Variants in PCDHGA2 observed in about 807,000 individuals in gnomAD.
PCDHGA2 encodes the protein protocadherin gamma subfamily A, 2, also known as protocadherin gamma-A2.
Under a neutral mutation model 59.2 loss-of-function variants are expected in PCDHGA2, and 40 were observed. The observed-to-expected ratio is 0.68, with a 90% CI of 0.52 to 0.88. The LOEUF is 0.88. PCDHGA2 is among the 40% of genes least tolerant of loss of function. The probability of loss-of-function intolerance (pLI) is 0.00; values close to 1 mark genes in which losing one functional copy is unlikely to be tolerated. For missense variants in PCDHGA2, 1,226 were observed against 1,204.0 expected, an observed-to-expected ratio of 1.02 and a Z score of -0.27; for synonymous variants, 560 against 526.0, an observed-to-expected ratio of 1.06 and a Z score of -0.89.
intron 1 of PCDHGA2, chr5:141,403,576 C>T (rs976638680): frequency 1.9e-6 from 3 of 1,613,946 alleles, no homozygotes; most frequent in Non-Finnish European, 2.5e-6. Context: ...CAACTGCCCA[C>T]CACCTGGTCC....
chr5:141,471,562 G>T (rs2099259935), intron 1 of PCDHGA2: 1 of 152,136 alleles, frequency 6.6e-6, no homozygotes, highest in Non-Finnish European at 1.5e-5. Flanking sequence ...TTGACTCAGG[G>T]GTAGCAGTAG....
At chr5:141,371,014 A>T in intron 1 of PCDHGA2, 1 of 1,614,008 alleles carries the variant, frequency 6.2e-7, no homozygotes, top group Non-Finnish European at 8.5e-7. Context: ...GAGCAGCCAC[A>T]TCACCACCTG....
chr5:141,459,947 A>T (rs2098978538), intron 1 of PCDHGA2, among the ~76,000 whole-genome samples: 1 of 152,200 alleles, frequency 6.6e-6, no homozygotes, highest in African/African-American at 2.4e-5. Context: ...GCGTGATGGC[A>T]GGTGCCTGTA....
At chr5:141,464,816 G>A (rs11167751) in intron 1 of PCDHGA2, among the ~76,000 whole-genome samples, 42,470 of 151,904 alleles carry the variant, frequency 0.28, 6,668 homozygotes, top group African/African-American at 0.43. Context: ...ATAGCTCACT[G>A]TAGCCTCGCA....
In PCDHGA2 at chr5:141,490,647, G is replaced by T; in HGVS notation, c.2425-4160G>T. 6.2e-7 allele frequency: 1 copy of T among 1,614,084 alleles called. No homozygotes were observed. Among genetic ancestry groups the T allele is most frequent in the Non-Finnish European group, 8.5e-7 (1 of 1,180,014 alleles). ...CTTACATCCTAGAAAACCGGCCTCCGGGCTCCCTTCTTTGCACTGTGGCTG... is the reference window on the plus strand; with the variant it reads ...CTTACATCCTAGAAAACCGGCCTCCTGGCTCCCTTCTTTGCACTGTGGCTG... On this transcript the variant is annotated intron_variant, in intron 1 of 3. Transcript: ENST00000394576. This position sits in a 1 kb window ranked among gnomAD's most constrained non-coding sequence, Gnocchi z 5.4.
chr5:141,408,973 T>G lies in PCDHGA2; in HGVS notation c.2424+67578T>G, dbSNP rs754120948. 4.3e-5 allele frequency: 70 copies of G among 1,613,718 alleles called. No homozygotes were observed. In the Admixed American group the frequency reaches 6.5e-4, roughly 15 times the overall value. ...TTAGTCTTAGTGAAAATCTGCCCCC[T>G]GGGTCCCCTGTGTTGCAAGTGACAG... On this transcript the variant is annotated intron_variant, in intron 1 of 3. Transcript: ENST00000394576.
intron 1 of PCDHGA2, among the ~76,000 whole-genome samples, chr5:141,447,895 G>A (rs931589569): frequency 1.3e-5 from 2 of 152,068 alleles, no homozygotes; most frequent in Non-Finnish European, 2.9e-5. Context: ...AGACCAGCCT[G>A]GCCAACATGG....
intron 1 of PCDHGA2, chr5:141,414,379 A>G (rs2095740987): frequency 1.2e-6 from 2 of 1,613,912 alleles, no homozygotes; most frequent in African/African-American, 1.3e-5. Context: ...AGAAAAGTCC[A>G]TTGACAGTTA....
intron 1 of PCDHGA2, among the ~76,000 whole-genome samples, chr5:141,470,483 G>T (rs1163257164): frequency 6.6e-6 from 1 of 152,112 alleles, no homozygotes; most frequent in African/African-American, 2.4e-5. Context: ...CTAACCCTCT[G>T]GGAATAATAT....
chr5:141,366,696 A>T (rs1337477969), intron 1 of PCDHGA2: 1 of 1,614,244 alleles, frequency 6.2e-7, no homozygotes. Flanking sequence ...GAGAAAAGCG[A>T]GCCTCTTCTG....
At chr5:141,374,414 G>C in intron 1 of PCDHGA2, 1 of 1,614,026 alleles carries the variant, frequency 6.2e-7, no homozygotes, top group South Asian at 1.1e-5. Flanking sequence ...CATCCTTGTC[G>C]AGGATAAACT....
chr5:141,341,320 G>A lies in PCDHGA2; in HGVS notation c.2349G>A (p.Glu783=), dbSNP rs1029033510. ...ATGCGGACACGCTCATCAGCCAGGA[G>A]AGCTGTGAGAAAAAGGATTTTTTAT... ...PNYADTLISQ[E]SCEKKDFLSA... Residue 783 remains glutamate, a synonymous_variant, in exon 1 of 4, where the codon GAG becomes GAA. Transcript: ENST00000394576. 1 of 1,614,246 alleles carries A rather than the reference G, an allele frequency of 6.2e-7. No homozygotes were observed.
rs1322608789 is a variant in PCDHGA2, at chr5:141,485,671, G to A, written c.2425-9136G>A. 3 of 1,612,860 alleles carry A rather than the reference G, an allele frequency of 1.9e-6. No homozygotes were observed. The highest frequency in any genetic ancestry group is 2.5e-6 in the Non-Finnish European group (3 of 1,179,040). On this transcript the variant is annotated intron_variant, in intron 1 of 3. Coordinates refer to ENST00000394576, the MANE Select transcript of PCDHGA2 (RefSeq NM_018915.4). This position sits in a 1 kb window ranked among gnomAD's most constrained non-coding sequence, Gnocchi z 5.7. Reference sequence around the variant, plus strand: ...AGGATGCAGATGTGGGGAGCAATTCGATTAGCAGCTATAGGCTGAGCTCCA... The same window carrying A: ...AGGATGCAGATGTGGGGAGCAATTCAATTAGCAGCTATAGGCTGAGCTCCA...
chr5:141,496,251 G>A (rs746722054), intron 2 of PCDHGA2, among the ~76,000 whole-genome samples: 7 of 152,150 alleles, frequency 4.6e-5, no homozygotes, highest in African/African-American at 7.2e-5. Context: ...TGAAGGGGAG[G>A]GAAACTTCAG....
At chr5:141,361,157 A>T in intron 1 of PCDHGA2, 2 of 1,613,974 alleles carry the variant, frequency 1.2e-6, no homozygotes, top group Non-Finnish European at 1.7e-6. Flanking sequence ...CTTGATGACA[A>T]CGATTGTGCA....
intron 1 of PCDHGA2, chr5:141,350,650 CG>C (rs1758529632): frequency 6.2e-7 from 1 of 1,613,902 alleles, no homozygotes; most frequent in Admixed American, 1.7e-5. Context: ...CACCACGTTT[CG>C]TTGCAAAAGG....
chr5:141,415,740 G>GTTTTTTTTTT lies in PCDHGA2; in HGVS notation c.2424+74368_2424+74377dup, dbSNP rs57426385. 90 of 625,044 alleles carry GTTTTTTTTTT rather than the reference G, an allele frequency of 1.4e-4. 1 individual carries two copies. The highest frequency in any genetic ancestry group is 4.1e-4 in the East Asian group (6 of 14,742). The allele number at this position is 625,044 out of a possible 1,614,324, so 38.7% of individuals were successfully genotyped here. On this transcript the variant is annotated intron_variant, in intron 1 of 3. Coordinates refer to ENST00000394576, the MANE Select transcript of PCDHGA2 (RefSeq NM_018915.4). ...TGAGTAGAATTTGATGTTTATTAAG[G>GTTTTTTTTTT]TTTTTTTTTTTTTTTTTTTTTTTTT...
chr5:141,355,930 C>G, intron 1 of PCDHGA2: 19 of 1,613,870 alleles, frequency 1.2e-5, no homozygotes, highest in Non-Finnish European at 1.6e-5. Flanking sequence ...CGTGTTCACT[C>G]AGCCCGAGTA....
rs774113255 is a variant in PCDHGA2 at position 141,405,285 on chromosome 5, C to T, written c.2424+63890C>T. 3.7e-6 allele frequency: 6 copies of T among 1,614,080 alleles called. No individual in the cohort carries two copies. The Admixed American group carries it at 1.0e-4, about 27-fold the overall frequency. On this transcript the variant is annotated intron_variant, in intron 1 of 3. Coordinates refer to ENST00000394576, the MANE Select transcript of PCDHGA2 (RefSeq NM_018915.4). ...TTCCCCCAGCCCAACTATGCAGACACACTCATCAGCCAGCAGAGCTGTGAG... is the reference window on the plus strand; with the variant it reads ...TTCCCCCAGCCCAACTATGCAGACATACTCATCAGCCAGCAGAGCTGTGAG...
Sources: gnomAD v4.1 joint callset for allele counts (sites outside exome capture counted in the v4.1 genomes callset) on GRCh38, gnomAD v4.1.1 for gene constraint, Gnocchi (gnomAD v3.1) non-coding constraint, MANE v1.5 for transcripts, NCBI Gene and HGNC (gene_info 2026-07-23, HGNC 2026-07-21) for gene names.